The following ACYP2 variants were observed in gnomAD, a reference collection of about 807,000 sequenced individuals.
ACYP2 encodes acylphosphatase-2.
ACYP2 carries 12 observed loss-of-function variants against 11.2 expected under a neutral mutation model. The ratio of observed to expected loss-of-function variants is 1.08; its 90% confidence interval spans 0.69 to 1.74. The LOEUF (loss-of-function observed/expected upper bound fraction) is 1.74. Ranked by LOEUF, ACYP2 falls within the 40% of genes most tolerant of loss-of-function variation. The pLI is 0.00. For synonymous variants in ACYP2, 43 were observed against 32.2 expected, an observed-to-expected ratio of 1.33 and a Z score of -1.13; for missense variants, 134 against 101.9, an observed-to-expected ratio of 1.31 and a Z score of -1.35.
At chr2:54,130,056 C>G (rs923788897) in intron 4 of ACYP2, among the ~76,000 whole-genome samples, 1 of 151,862 alleles carries the variant, frequency 6.6e-6, no homozygotes, top group Non-Finnish European at 1.5e-5. Flanking sequence ...GTTGGGGACA[C>G]AGTGGTAAGT....
intron 4 of ACYP2, among the ~76,000 whole-genome samples, chr2:54,073,188 A>G (rs1268792365): frequency 6.6e-6 from 1 of 152,180 alleles, no homozygotes; most frequent in Non-Finnish European, 1.5e-5. Context: ...GTATCTACAT[A>G]CAAATGAATG....
At chr2:54,113,784 A>ATTGCAGTG (rs1679585300) in intron 4 of ACYP2, among the ~76,000 whole-genome samples, 10 of 152,210 alleles carry the variant, frequency 6.6e-5, no homozygotes, top group African/African-American at 2.4e-4. Context: ...CTGTACTGAG[A>ATTGCAGTG]GAGCAGAATA....
chr2:54,190,545 C>T (rs1684198139), intron 6 of ACYP2, among the ~76,000 whole-genome samples: 1 of 152,080 alleles, frequency 6.6e-6, no homozygotes, highest in Admixed American at 6.6e-5. Flanking sequence ...TCTTTTACCT[C>T]TCTCTTCTCC....
intron 6 of ACYP2, among the ~76,000 whole-genome samples, chr2:54,277,027 CTAAT>C (rs1688628019): frequency 6.6e-6 from 1 of 151,966 alleles, no homozygotes; most frequent in African/African-American, 2.4e-5. Context: ...ATAAAAAATC[CTAAT>C]TATTAGACAT....
intron 4 of ACYP2, 151 bp downstream of exon 1, chr2:54,115,907 G>C: frequency 1.9e-6 from 2 of 1,050,528 alleles, no homozygotes; most frequent in Non-Finnish European, 2.6e-6. Flanking sequence ...CGGGGAGGGA[G>C]GCGAAACGCG....
At position 54,140,567 on chromosome 2, in the gene ACYP2, TA is replaced by T. The variant is rs201541385; in HGVS notation, c.404+1820del. Among the ~76,000 whole-genome samples, 1,007 of 152,134 alleles carry T rather than the reference TA, an allele frequency of 6.6e-3. 10 individuals carry two copies. Among genetic ancestry groups the T allele is most frequent in the African/African-American group, 0.023 (965 of 41,518 alleles). The stretch of plus-strand genomic sequence containing the variant: ...ACACACACTTGCACACACACACTTT[TA>T]TGGATTTTGTTCAATATTTGCTTTT... On this transcript the variant is annotated intron_variant, in intron 6 of 6. Transcript: ENST00000607452.
chr2:54,192,748 A>G (rs116568377), intron 6 of ACYP2, among the ~76,000 whole-genome samples: 1 of 152,174 alleles, frequency 6.6e-6, no homozygotes, highest in African/African-American at 2.4e-5. Flanking sequence ...TTATTGACTC[A>G]CGGTTCTGCA....
intron 4 of ACYP2, among the ~76,000 whole-genome samples, chr2:54,133,587 A>C (rs548521666): frequency 7.9e-5 from 12 of 152,270 alleles, no homozygotes; most frequent in Middle Eastern, 3.4e-3. Context: ...ATTTTAACCA[A>C]CTCTCAAGTA....
At chr2:54,275,481 A>G (rs1408661164) in intron 6 of ACYP2, among the ~76,000 whole-genome samples, 1 of 152,180 alleles carries the variant, frequency 6.6e-6, no homozygotes, top group East Asian at 1.9e-4. Flanking sequence ...CCACTTGACT[A>G]TTTCTAGCTT....
chr2:54,146,126 C>A (rs1681868844), intron 6 of ACYP2, among the ~76,000 whole-genome samples: 1 of 152,194 alleles, frequency 6.6e-6, no homozygotes, highest in Non-Finnish European at 1.5e-5. Context: ...GATTGACTTA[C>A]AAAATTCTAT....
intron 6 of ACYP2, among the ~76,000 whole-genome samples, chr2:54,169,041 G>A (rs893350454): frequency 6.6e-6 from 1 of 152,164 alleles, no homozygotes; most frequent in African/African-American, 2.4e-5. Context: ...AATCAGGAGT[G>A]TTACAGAAGA....
chr2:54,142,852 T>TATA (rs1187859841), intron 6 of ACYP2: 1 of 152,222 alleles, frequency 6.6e-6, no homozygotes, highest in Non-Finnish European at 1.5e-5. Flanking sequence ...TATGATTTTA[T>TATA]GGTTTTCTTT....
intron 3 of ACYP2, chr2:54,057,123 G>T: frequency 2.6e-6 from 1 of 391,056 alleles, no homozygotes; most frequent in South Asian, 1.4e-4. Flanking sequence ...ATTTTGACTT[G>T]AACCATAAAT....
In ACYP2 at chr2:54,256,105, G is replaced by A. The variant is rs578065178; in HGVS notation, c.405-48583G>A. ...CTGGCCCTGGTGCGGGTCTTCCAGA[G>A]CATAGTCGAGAGTAGCGGGGCTGTG... On this transcript the variant is annotated intron_variant, in intron 6 of 6. Coordinates refer to ENST00000607452, the MANE Select transcript of ACYP2 (RefSeq NM_001320586.2). 5 of 1,614,174 alleles carry A rather than the reference G, an allele frequency of 3.1e-6. No homozygotes were observed. In the South Asian group the frequency reaches 5.5e-5, roughly 18 times the overall value.
At chr2:54,198,130 C>T (rs920059342) in intron 6 of ACYP2, among the ~76,000 whole-genome samples, 1 of 152,044 alleles carries the variant, frequency 6.6e-6, no homozygotes, top group African/African-American at 2.4e-5. Flanking sequence ...AGTGATTCTC[C>T]TGCCTTAGCC....
At chr2:54,292,277 A>G (rs1486178432) in intron 6 of ACYP2, among the ~76,000 whole-genome samples, 1 of 152,164 alleles carries the variant, frequency 6.6e-6, no homozygotes, top group African/African-American at 2.4e-5. Flanking sequence ...ATTGCCCTAA[A>G]GCTACATTGT....
chr2:54,214,110 G>A (rs973496747), intron 6 of ACYP2, among the ~76,000 whole-genome samples: 13 of 151,860 alleles, frequency 8.6e-5, no homozygotes, highest in African/African-American at 2.4e-5. Context: ...TTGTTAATTC[G>A]TTTAAGTTCC....
At chr2:54,071,769 G>C (rs1053685079) in intron 4 of ACYP2, among the ~76,000 whole-genome samples, 2 of 152,158 alleles carry the variant, frequency 1.3e-5, no homozygotes. Context: ...CCAGCACTTT[G>C]GTAGGCCAAG....
intron 6 of ACYP2, among the ~76,000 whole-genome samples, chr2:54,167,599 C>A (rs1683047222): frequency 6.6e-6 from 1 of 152,008 alleles, no homozygotes; most frequent in African/African-American, 2.4e-5. Context: ...ACTACTGAGG[C>A]ATTTGAATAT....
Sources: gnomAD v4.1 joint callset for allele counts (sites outside exome capture counted in the v4.1 genomes callset) on GRCh38, gnomAD v4.1.1 for gene constraint, MANE v1.5 for transcripts, NCBI Gene and HGNC (gene_info 2026-07-23, HGNC 2026-07-21) for gene names.